The following SLC4A8 variants were observed in gnomAD, a reference collection of about 807,000 sequenced individuals.
The protein encoded by SLC4A8 is electroneutral sodium bicarbonate exchanger 1.
In SLC4A8, 40 loss-of-function variants were observed where a neutral mutation model predicts 125.0. The observed-to-expected ratio is 0.32, with a 90% CI of 0.25 to 0.42. SLC4A8 has a LOEUF of 0.42. Among genes scored for constraint, SLC4A8 ranks in the 10% least tolerant of loss-of-function variants. The pLI is 1.00. For synonymous variants in SLC4A8, 456 were observed against 476.0 expected, an observed-to-expected ratio of 0.96 and a Z score of 0.55; for missense variants, 863 against 1,355.1, an observed-to-expected ratio of 0.64 and a Z score of 5.70.
chr12:51,448,641 G>A (rs765319203), intron 2 of SLC4A8, among the ~76,000 whole-genome samples: 48 of 152,156 alleles, frequency 3.2e-4, no homozygotes, highest in Admixed American at 2.0e-4. Context: ...CAGTGGCACC[G>A]GAGCTCAGGG....
upstream of SLC4A8, among the ~76,000 whole-genome samples, chr12:51,421,565 T>A (rs979903333): frequency 6.6e-6 from 1 of 152,110 alleles, no homozygotes; most frequent in African/African-American, 2.4e-5. Context: ...CCACTACTTC[T>A]CAATTCCTTT....
chr12:51,478,114 A>C (rs975503251), intron 16 of SLC4A8, among the ~76,000 whole-genome samples: 1 of 152,140 alleles, frequency 6.6e-6, no homozygotes, highest in Admixed American at 6.5e-5. Context: ...TCTCTACTAA[A>C]AATACAAAAA....
In SLC4A8 at chr12:51,507,519, A is replaced by G; in HGVS notation, c.*81A>G. 9.5e-7 allele frequency: 1 copy of G among 1,051,282 alleles called. No homozygotes were observed. Among genetic ancestry groups the G allele is most frequent in the Non-Finnish European group, 1.3e-6 (1 of 773,970 alleles). The allele number at this position is 1,051,282 out of a possible 1,614,324, so 65.1% of individuals were successfully genotyped here. A position where few individuals can be genotyped will look rare whatever the true frequency, so the allele number is the denominator to read the frequency against. ...TTACAGAGAAAATGGCGAGTCTCTC[A>G]GAGAAGAAGCAAGACCAAGTCTGGC... On this transcript the variant is annotated 3_prime_UTR_variant, in exon 25 of 25. Coordinates refer to ENST00000453097, the MANE Select transcript of SLC4A8 (RefSeq NM_001039960.3).
intron 16 of SLC4A8, chr12:51,479,969 A>ATT (rs202064260): frequency 1.9e-3 from 582 of 301,960 alleles, no homozygotes; most frequent in South Asian, 4.1e-3. Flanking sequence ...TATAAATGGA[A>ATT]TTTTTTTTTT....
chr12:51,401,229 C>CTG (rs1948385467), intron 1 of SLC4A8, among the ~76,000 whole-genome samples: 1 of 152,240 alleles, frequency 6.6e-6, no homozygotes, highest in Admixed American at 6.5e-5. Flanking sequence ...CTGTAGGCGG[C>CTG]TGTGCTAACC....
intron 5 of SLC4A8, 53 bp downstream of exon 5, chr12:51,453,752 T>TG (rs1165460055): frequency 1.2e-5 from 19 of 1,562,534 alleles, no homozygotes; most frequent in East Asian, 2.3e-5. Context: ...TTAAGAAGTG[T>TG]GGGAAAAAAG....
chr12:51,493,360 T>C (rs925382626), intron 19 of SLC4A8, among the ~76,000 whole-genome samples: 3 of 152,016 alleles, frequency 2.0e-5, no homozygotes, highest in African/African-American at 7.2e-5. Context: ...TAAAAGGCAT[T>C]ATTTCTATAA....
In SLC4A8 at chr12:51,513,184, G is replaced by A. The variant is rs998404819; in HGVS notation, c.*5746G>A. 2.0e-5 allele frequency: 3 copies of A among 152,194 alleles called. No homozygotes were observed. The highest frequency in any genetic ancestry group is 2.0e-4 in the Admixed American group (3 of 15,282). 9.4% of individuals were successfully genotyped at this position (152,194 alleles called of 1,614,324 possible). On this transcript the variant is annotated 3_prime_UTR_variant, in exon 25 of 25. Coordinates refer to ENST00000453097, the MANE Select transcript of SLC4A8 (RefSeq NM_001039960.3). Reference sequence around the variant, plus strand: ...TAGGGAAGGGTAGGTCTGGAGAGAAGGTGAAGACCAGCAGAAATATACTGT... The same window carrying A: ...TAGGGAAGGGTAGGTCTGGAGAGAAAGTGAAGACCAGCAGAAATATACTGT...
intron 1 of SLC4A8, among the ~76,000 whole-genome samples, chr12:51,398,955 G>C (rs1948319656): frequency 6.6e-6 from 1 of 152,108 alleles, no homozygotes; most frequent in Non-Finnish European, 1.5e-5. Context: ...CACCATGTTG[G>C]TCAGGCTGGT....
At chr12:51,404,719 C>G (rs934078904) in intron 1 of SLC4A8, among the ~76,000 whole-genome samples, 32 of 152,282 alleles carry the variant, frequency 2.1e-4, no homozygotes, top group Non-Finnish European at 2.9e-4. Context: ...GAGAGGACTC[C>G]AGTGATATCT....
At chr12:51,440,942 TA>T in intron 2 of SLC4A8, 153 bp downstream of exon 2, 1 of 953,508 alleles carries the variant, frequency 1.0e-6, no homozygotes, top group Non-Finnish European at 1.5e-6. Flanking sequence ...ATCTGGTAAA[TA>T]AAAGTGGGGA....
At chr12:51,468,688 A>G (rs1435092100) in intron 11 of SLC4A8, among the ~76,000 whole-genome samples, 1 of 152,212 alleles carries the variant, frequency 6.6e-6, no homozygotes, top group Non-Finnish European at 1.5e-5. Context: ...TGAACCCAGG[A>G]GGCGGAGCTT....
intron 19 of SLC4A8, among the ~76,000 whole-genome samples, chr12:51,492,236 C>G (rs994286763): frequency 9.2e-5 from 14 of 152,280 alleles, no homozygotes; most frequent in African/African-American, 3.4e-4. Flanking sequence ...TTCTGGAGCA[C>G]TGCCTTGTCT....
Position 51,424,981 on chromosome 12 carries a change from C to T in SLC4A8, c.-7C>T. The T allele has an allele frequency of 6.4e-7, 1 of 1,552,982 alleles. No individual in the cohort carries two copies. Among genetic ancestry groups the T allele is most frequent in the Non-Finnish European group, 8.7e-7 (1 of 1,148,510 alleles). Reference sequence around the variant, plus strand: ...AGCCCGTGGGGGAGACCTAGTTCGGCTCCGCCATGCCGGCCGCCGGGAGTA... The same window carrying T: ...AGCCCGTGGGGGAGACCTAGTTCGGTTCCGCCATGCCGGCCGCCGGGAGTA... On this transcript the variant is annotated 5_prime_UTR_variant, in exon 1 of 25. Coordinates refer to ENST00000453097, the MANE Select transcript of SLC4A8 (RefSeq NM_001039960.3).
chr12:51,481,059 G>T (rs1951013774), intron 16 of SLC4A8, among the ~76,000 whole-genome samples: 1 of 152,180 alleles, frequency 6.6e-6, no homozygotes, highest in African/African-American at 2.4e-5. Context: ...GAGCTCAGAA[G>T]TCCCTTCCTG....
intron 11 of SLC4A8, chr12:51,467,327 A>C (rs944725579): frequency 6.6e-6 from 1 of 152,242 alleles, no homozygotes; most frequent in African/African-American, 2.4e-5. Context: ...GCAGGTCACA[A>C]GGCTGGCTTT....
rs988780511 is a variant in SLC4A8, at chr12:51,512,720, T to C, written c.*5282T>C. 2 of 152,152 alleles carry C rather than the reference T, an allele frequency of 1.3e-5. No individual in the cohort carries two copies. Among genetic ancestry groups the C allele is most frequent in the African/African-American group, 4.8e-5 (2 of 41,416 alleles). 9.4% of individuals were successfully genotyped at this position (152,152 alleles called of 1,614,324 possible). A position where few individuals can be genotyped will look rare whatever the true frequency, so the allele number is the denominator to read the frequency against. ...ATGAGAGTGTAGCCATAAGATTTCATTGTTACTACTAGTCTTTGTGTACCT... is the reference window on the plus strand; with the variant it reads ...ATGAGAGTGTAGCCATAAGATTTCACTGTTACTACTAGTCTTTGTGTACCT... On this transcript the variant is annotated 3_prime_UTR_variant, in exon 25 of 25. Coordinates refer to ENST00000453097, the MANE Select transcript of SLC4A8 (RefSeq NM_001039960.3).
chr12:51,408,371 A>T (rs79046717), intron 1 of SLC4A8, among the ~76,000 whole-genome samples: 10 of 151,316 alleles, frequency 6.6e-5, no homozygotes, highest in African/African-American at 2.4e-4. Context: ...CTAGGATTAC[A>T]GGCGCGTGCC....
intron 1 of SLC4A8, among the ~76,000 whole-genome samples, chr12:51,395,980 G>T (rs1172402995): frequency 6.6e-6 from 1 of 152,208 alleles, no homozygotes; most frequent in East Asian, 1.9e-4. Context: ...GTTAAAGCGA[G>T]AAATATTTTA....
Sources: gnomAD v4.1 joint callset for allele counts (sites outside exome capture counted in the v4.1 genomes callset) on GRCh38, gnomAD v4.1.1 for gene constraint, MANE v1.5 for transcripts, NCBI Gene and HGNC (gene_info 2026-07-23, HGNC 2026-07-21) for gene names.